Variants in HK2 observed in about 807,000 individuals in gnomAD.
HK2 encodes the protein hexokinase-2.
HK2 carries 42 observed loss-of-function variants against 92.9 expected under a neutral mutation model. The ratio of observed to expected loss-of-function variants is 0.45; its 90% CI spans 0.35 to 0.58. The LOEUF (loss-of-function observed/expected upper bound fraction) is 0.58. Among genes scored for constraint, HK2 ranks in the 20% least tolerant of loss-of-function variants. HK2 has a pLI of 0.00. For missense variants in HK2, 978 were observed against 1,245.1 expected (o/e 0.79, Z 3.23); for synonymous variants, 422 against 468.0 (o/e 0.90, Z 1.27).
At position 74,874,449 on chromosome 2, in the gene HK2, T is replaced by C. The variant is rs544120185; in HGVS notation, c.875T>C (p.Leu292Pro). Residue 292 changes from leucine to proline, a missense_variant and splice_region_variant, in exon 7 of 18, where the codon CTG (leucine) becomes CCG (proline). Coordinates refer to ENST00000290573, the MANE Select transcript of HK2 (RefSeq NM_000189.5). ...GGCTCACTGAACCCGGGAAAGCAAC[T>C]GTGAGTAGGCCCTTCCTGTGCGAGT... is the stretch of plus-strand genomic sequence containing the variant. ...DMGSLNPGKQ[L>P]FEKMISGMYM... is the part of the protein sequence containing the mutation. 6 of 1,600,552 alleles carry C rather than the reference T, an allele frequency of 3.7e-6. No individual in the cohort carries two copies. The highest frequency in any genetic ancestry group is 5.1e-6 in the Non-Finnish European group (6 of 1,172,648).
At chr2:74,880,168 T>A in intron 9 of HK2, 97 bp from the exon 10 acceptor site, 2 of 1,374,268 alleles carry the variant, frequency 1.5e-6, no homozygotes, top group South Asian at 2.3e-5. Flanking sequence ...AGGTGCCTTT[T>A]GGCATTTGGA....
intron 15 of HK2, among the ~76,000 whole-genome samples, chr2:74,887,434 ATGGGGGCC>A (rs386647414): frequency 5.3e-5 from 8 of 151,610 alleles, no homozygotes; most frequent in African/African-American, 9.7e-5. Flanking sequence ...AGTGGCCAGG[ATGGGGGCC>A]CTACAGCTGG....
chr2:74,855,048 G>A (rs576151199), intron 2 of HK2, among the ~76,000 whole-genome samples: 22 of 152,318 alleles, frequency 1.4e-4, no homozygotes, highest in East Asian at 3.9e-4. Context: ...CCAGGCTGGC[G>A]TGCAATGATG....
intron 1 of HK2, among the ~76,000 whole-genome samples, chr2:74,849,233 A>C (rs1040216296): frequency 1.3e-5 from 2 of 152,080 alleles, no homozygotes; most frequent in African/African-American, 2.4e-5. Context: ...GTATGGGGTT[A>C]ATTTGTCTTT....
At chr2:74,873,492 C>T in intron 5 of HK2, 121 bp downstream of exon 5, 1 of 688,584 alleles carries the variant, frequency 1.5e-6, no homozygotes, top group Admixed American at 2.6e-5. Context: ...GTTCTCTTTT[C>T]CCTGACACAT....
At chr2:74,842,094 A>G (rs944107541) in intron 1 of HK2, among the ~76,000 whole-genome samples, 4 of 152,256 alleles carry the variant, frequency 2.6e-5, no homozygotes, top group East Asian at 1.9e-4. Context: ...AAATGCAAAG[A>G]TTGTTTGGAT....
intron 2 of HK2, among the ~76,000 whole-genome samples, chr2:74,867,143 G>A (rs973405275): frequency 6.6e-6 from 1 of 152,014 alleles, no homozygotes; most frequent in South Asian, 2.1e-4. Context: ...GTCTTATATT[G>A]TTGATTGAAT....
chr2:74,850,812 C>T lies in HK2; in HGVS notation c.64-3481C>T, dbSNP rs141625202. Among the ~76,000 whole-genome samples, 951 of 152,278 alleles carry T rather than the reference C, an allele frequency of 6.2e-3. 11 individuals carry two copies. Among genetic ancestry groups the T allele is most frequent in the African/African-American group, 0.021 (876 of 41,558 alleles). On this transcript the variant is annotated intron_variant, in intron 1 of 17. Transcript: ENST00000290573. Reference sequence around the variant, plus strand: ...GCCTACCAGGGCTGGGTGGGCTCCACTGGTGTGTTTAGGAAACTGTGGCAT... The same window carrying T: ...GCCTACCAGGGCTGGGTGGGCTCCATTGGTGTGTTTAGGAAACTGTGGCAT...
At chr2:74,859,765 A>C (rs1272855400) in intron 2 of HK2, among the ~76,000 whole-genome samples, 2 of 152,234 alleles carry the variant, frequency 1.3e-5, no homozygotes, top group African/African-American at 4.8e-5. Context: ...AACAGTATGG[A>C]GATTTCTCAA....
At position 74,867,662 on chromosome 2, in the gene HK2, C is replaced by T. The variant is rs377756765; in HGVS notation, c.253C>T (p.Leu85Phe). ...ACACGGAGAGTTCCTGGCTCTGGAT[C>T]TTGGAGGGACCAACTTCCGTGTGCT... ...TEHGEFLALDLGGTNFRVLWV... is the reference protein window; with the variant it reads ...TEHGEFLALDFGGTNFRVLWV... The change falls in exon 3 of 18, where the codon CTT becomes TTT. Residue 85 changes from leucine to phenylalanine, a missense_variant. Around this residue, in one of 3 missense-constraint regions of HK2, gnomAD observed 189 missense variants for 289.5 expected, o/e 0.65. Transcript: ENST00000290573. 9 of 1,613,626 alleles carry T rather than the reference C, an allele frequency of 5.6e-6. No individual in the cohort carries two copies. In the African/African-American group the frequency reaches 1.1e-4, roughly 19 times the overall value.
At chr2:74,850,946 G>A in intron 1 of HK2, among the ~76,000 whole-genome samples, 1 of 152,208 alleles carries the variant, frequency 6.6e-6, no homozygotes, top group Admixed American at 6.5e-5. Flanking sequence ...AAAGAGCTCT[G>A]ATGTGAAAGA....
intron 1 of HK2, among the ~76,000 whole-genome samples, chr2:74,839,316 A>G (rs1688248533): frequency 6.6e-6 from 1 of 152,156 alleles, no homozygotes; most frequent in Non-Finnish European, 1.5e-5. Context: ...CATTTTGGAC[A>G]CCTACCACGT....
intron 1 of HK2, among the ~76,000 whole-genome samples, chr2:74,849,356 C>G (rs191998022): frequency 6.6e-6 from 1 of 152,328 alleles, no homozygotes; most frequent in Admixed American, 6.5e-5. Context: ...AAGCTCTGAT[C>G]TAACCCTTGC....
chr2:74,871,950 T>G (rs1689108885), intron 3 of HK2, among the ~76,000 whole-genome samples: 1 of 152,180 alleles, frequency 6.6e-6, no homozygotes, highest in South Asian at 2.1e-4. Context: ...CAAAGAATGT[T>G]CTGTTCCCCG....
intron 3 of HK2, among the ~76,000 whole-genome samples, chr2:74,869,360 C>T (rs1689039896): frequency 6.6e-6 from 1 of 152,184 alleles, no homozygotes; most frequent in South Asian, 2.1e-4. Flanking sequence ...GGTGGAATTA[C>T]TGGTGCTATT....
rs979024769 is a variant in HK2, at chr2:74,834,209, C to T, written c.-372C>T. On this transcript the variant is annotated 5_prime_UTR_variant, in exon 1 of 18. Transcript: ENST00000290573. This position sits in a 1 kb window ranked among gnomAD's most constrained non-coding sequence, Gnocchi z 4.2. ...TCACCCAGCTAAGAAAATCCGCGGG[C>T]CCGAGCCACGCGCCTGTGAATCGGA... 2.1e-5 allele frequency: 8 copies of T among 378,310 alleles called. No individual in the cohort carries two copies. Among genetic ancestry groups the T allele is most frequent in the Middle Eastern group, 8.6e-4 (1 of 1,166 alleles). The allele number at this position is 378,310 out of a possible 1,614,324, so 23.4% of individuals were successfully genotyped here.
At chr2:74,843,944 G>A (rs895258439) in intron 1 of HK2, among the ~76,000 whole-genome samples, 2 of 152,160 alleles carry the variant, frequency 1.3e-5, no homozygotes, top group Non-Finnish European at 2.9e-5. Flanking sequence ...CCCTCAAGCT[G>A]CCCTCCAGGT....
chr2:74,884,921 G>A (rs1307286974), intron 12 of HK2, among the ~76,000 whole-genome samples: 2 of 152,228 alleles, frequency 1.3e-5, no homozygotes, highest in Non-Finnish European at 2.9e-5. Context: ...AAGACATGGG[G>A]TGGTGGTGAA....
chr2:74,880,402 G>A lies in HK2; in HGVS notation c.1403G>A (p.Arg468His), dbSNP rs140756657. Residue 468 changes from arginine to histidine, a missense_variant, in exon 10 of 18, where the codon CGT (arginine) becomes CAT (histidine). Coordinates refer to ENST00000290573, the MANE Select transcript of HK2 (RefSeq NM_000189.5). ...GCTTACCGGCTGGCCGATCAACACC[G>A]TGCCCGCCAGAAGACATTAGAGCAT... ...AVAYRLADQHRARQKTLEHLQ... is the reference protein window; with the variant it reads ...AVAYRLADQHHARQKTLEHLQ... 15 of 1,614,192 alleles carry A rather than the reference G, an allele frequency of 9.3e-6. No homozygotes were observed. The highest frequency in any genetic ancestry group is 1.3e-5 in the African/African-American group (1 of 75,044).
Sources: gnomAD v4.1 joint callset for allele counts (sites outside exome capture counted in the v4.1 genomes callset) on GRCh38, gnomAD v4.1.1 for gene constraint, gnomAD v4.1.1 regional missense constraint, Gnocchi (gnomAD v3.1) non-coding constraint, MANE v1.5 for transcripts, NCBI Gene and HGNC (gene_info 2026-07-23, HGNC 2026-07-21) for gene names.